Variants in PDE4B observed in about 807,000 individuals in gnomAD.
The protein encoded by PDE4B is phosphodiesterase 4B, also known as 3',5'-cyclic-AMP phosphodiesterase 4B.
In PDE4B, 20 loss-of-function variants were observed where a neutral mutation model predicts 82.2. That is an observed-to-expected ratio of 0.24 (90% CI 0.17 to 0.35). PDE4B has a LOEUF of 0.35. Ranked by LOEUF, PDE4B falls within the 10% of genes least tolerant of loss-of-function variation. The pLI, the probability that PDE4B is intolerant of heterozygous loss-of-function variation, is 1.00. For synonymous variants in PDE4B, 320 were observed against 318.9 expected (o/e 1.00, Z -0.04); for missense variants, 655 against 907.2 (o/e 0.72, Z 3.57).
chr1:66,312,922 T>C (rs770647021), intron 7 of PDE4B, among the ~76,000 whole-genome samples: 2 of 152,218 alleles, frequency 1.3e-5, no homozygotes, highest in Non-Finnish European at 1.5e-5. Flanking sequence ...CTGTAGCACT[T>C]TCTGTGTCTT....
chr1:66,322,838 A>G (rs1659504291), intron 7 of PDE4B, among the ~76,000 whole-genome samples: 1 of 152,102 alleles, frequency 6.6e-6, no homozygotes, highest in Admixed American at 6.6e-5. Flanking sequence ...GGTATGGTTT[A>G]CCTCATTTAA....
chr1:66,225,458 G>C (rs1651373483), intron 3 of PDE4B, among the ~76,000 whole-genome samples: 2 of 152,168 alleles, frequency 1.3e-5, no homozygotes, highest in South Asian at 4.1e-4. Flanking sequence ...TATAATGGGA[G>C]TCTTTGAGAG....
intron 3 of PDE4B, among the ~76,000 whole-genome samples, chr1:66,130,763 C>T (rs1373901887): frequency 6.6e-6 from 1 of 152,208 alleles, no homozygotes; most frequent in African/African-American, 2.4e-5. Flanking sequence ...GGTAGGCTCA[C>T]CTGAGGCCCC....
At chr1:65,913,148 A>G in intron 1 of PDE4B, 97 bp from the exon 2 acceptor site, 1 of 564,180 alleles carries the variant, frequency 1.8e-6, no homozygotes, top group Non-Finnish European at 3.2e-6. Context: ...TTACATGTAC[A>G]TTGTACATAT....
At chr1:66,365,422 A>G (rs993786381) in intron 12 of PDE4B, among the ~76,000 whole-genome samples, 4 of 152,198 alleles carry the variant, frequency 2.6e-5, no homozygotes, top group African/African-American at 4.8e-5. Flanking sequence ...ATTTGTGCTA[A>G]TATCTTTCCA....
chr1:66,069,929 T>A (rs1166594924), intron 3 of PDE4B, among the ~76,000 whole-genome samples: 3 of 152,054 alleles, frequency 2.0e-5, no homozygotes, highest in Admixed American at 2.0e-4. Context: ...TGTAAAGCTC[T>A]GTTATAATAT....
intron 3 of PDE4B, among the ~76,000 whole-genome samples, chr1:65,995,459 C>A (rs1263201112): frequency 1.5e-4 from 23 of 152,160 alleles, no homozygotes; most frequent in Admixed American, 1.4e-3. Context: ...CCTAATGCTT[C>A]ATGCTTTCCC....
intron 3 of PDE4B, among the ~76,000 whole-genome samples, chr1:66,220,482 T>C (rs553384384): frequency 6.6e-6 from 1 of 152,216 alleles, no homozygotes; most frequent in African/African-American, 2.4e-5. Context: ...TCAAAACTGA[T>C]TATTGAAATT....
chr1:66,117,675 A>G (rs922964691), intron 3 of PDE4B, among the ~76,000 whole-genome samples: 4 of 152,142 alleles, frequency 2.6e-5, no homozygotes, highest in African/African-American at 9.7e-5. Flanking sequence ...AAAGTGAGGT[A>G]GTTTCTGGGA....
intron 3 of PDE4B, among the ~76,000 whole-genome samples, chr1:66,168,242 G>C (rs189565139): frequency 6.6e-6 from 1 of 152,210 alleles, no homozygotes; most frequent in Admixed American, 6.5e-5. Context: ...CAATAAAGCA[G>C]TGAAAAAATA....
chr1:66,291,482 A>G (rs899882751), intron 7 of PDE4B, among the ~76,000 whole-genome samples: 5 of 152,208 alleles, frequency 3.3e-5, no homozygotes, highest in Non-Finnish European at 5.9e-5. Flanking sequence ...AATGGATTTT[A>G]TTTCCAACTA....
chr1:66,266,533 A>C (rs1655051277), intron 7 of PDE4B: 1 of 364,264 alleles, frequency 2.7e-6, no homozygotes, highest in Admixed American at 3.9e-5. Flanking sequence ...TTGAATCTAC[A>C]TCCTTTCCAG....
chr1:66,024,653 A>G (rs1242366734), intron 3 of PDE4B, among the ~76,000 whole-genome samples: 3 of 152,188 alleles, frequency 2.0e-5, no homozygotes, highest in Non-Finnish European at 4.4e-5. Flanking sequence ...AAACATGGAT[A>G]TAATACTGTC....
chr1:65,934,844 A>T (rs1214188284), intron 3 of PDE4B, among the ~76,000 whole-genome samples: 1 of 152,220 alleles, frequency 6.6e-6, no homozygotes, highest in Non-Finnish European at 1.5e-5. Context: ...TGTACCCAAC[A>T]TCAGAGCATC....
chr1:66,317,035 T>C (rs1272809337), intron 7 of PDE4B, among the ~76,000 whole-genome samples: 1 of 152,224 alleles, frequency 6.6e-6, no homozygotes, highest in East Asian at 1.9e-4. Context: ...TCTTGTTTGC[T>C]ACTGTGTGGA....
At chr1:66,236,308 C>T (rs1158381481) in intron 3 of PDE4B, among the ~76,000 whole-genome samples, 12 of 152,086 alleles carry the variant, frequency 7.9e-5, no homozygotes. Context: ...TTCTATTTCC[C>T]CCTTCTTTGC....
chr1:66,372,203 T>C, intron 16 of PDE4B, 110 bp from the exon 17 acceptor site: 2 of 1,128,440 alleles, frequency 1.8e-6, no homozygotes, highest in Non-Finnish European at 2.5e-6. Context: ...TCCATTATGA[T>C]TGATCTTTCT....
In PDE4B at chr1:66,247,666, C is replaced by T; in HGVS notation, c.476+12C>T. On this transcript the variant is annotated intron_variant, in intron 4 of 16. Transcript: ENST00000341517. Reference sequence around the variant, plus strand: ...CTTCCAAGCGAGCAGTAAGTACAAGCTCTGTCTGGCTTCCAGTTTCACATT... The same window carrying T: ...CTTCCAAGCGAGCAGTAAGTACAAGTTCTGTCTGGCTTCCAGTTTCACATT... The T allele has an allele frequency of 6.5e-7, 1 of 1,538,992 alleles. No individual in the cohort carries two copies. Among genetic ancestry groups the T allele is most frequent in the Non-Finnish European group, 8.8e-7 (1 of 1,139,926 alleles).
Position 66,367,811 on chromosome 1 carries a change from G to A in PDE4B, c.1500G>A (p.Lys500=). ...EHCDIFMNLT[K]KQRQTLRKMV... is the part of the protein sequence containing the mutation. ...GTGACATCTTCATGAATCTCACCAA[G>A]AAGCAGCGTCAGACACTCAGGAAGA... Residue 500 remains lysine (K), a synonymous_variant, in exon 14 of 17, where the codon AAG becomes AAA. Transcript: ENST00000341517. The A allele has an allele frequency of 6.2e-7, 1 of 1,613,876 alleles. No individual in the cohort carries two copies. The highest frequency in any genetic ancestry group is 2.2e-5 in the East Asian group (1 of 44,872).
Sources: gnomAD v4.1 joint callset for allele counts (sites outside exome capture counted in the v4.1 genomes callset) on GRCh38, gnomAD v4.1.1 for gene constraint, MANE v1.5 for transcripts, NCBI Gene and HGNC (gene_info 2026-07-23, HGNC 2026-07-21) for gene names.